Variants in ABTB2 observed in about 807,000 individuals in gnomAD.
ABTB2 encodes ankyrin repeat and BTB/POZ domain-containing protein 2.
Under a neutral mutation model 104.1 loss-of-function variants are expected in ABTB2, and 56 were observed. The observed-to-expected ratio is 0.54, with a 90% CI of 0.43 to 0.67. The LOEUF is 0.67. Among genes scored for constraint, ABTB2 ranks in the 30% least tolerant of loss-of-function variants. ABTB2 has a pLI of 0.00. For missense variants in ABTB2, 1,279 were observed against 1,407.7 expected, an observed-to-expected ratio of 0.91 and a Z score of 1.46; for synonymous variants, 606 against 608.2, an observed-to-expected ratio of 1.00 and a Z score of 0.05.
At chr11:34,242,877 A>G in intron 1 of ABTB2, among the ~76,000 whole-genome samples, 1 of 152,186 alleles carries the variant, frequency 6.6e-6, no homozygotes, top group Non-Finnish European at 1.5e-5. Flanking sequence ...ACCTTAGAGA[A>G]GTCCAACAAC....
chr11:34,206,827 C>T (rs78297715), intron 1 of ABTB2, among the ~76,000 whole-genome samples: 2,628 of 152,262 alleles, frequency 0.017, 82 homozygotes, highest in African/African-American at 0.059. Context: ...CAGGCCTCCC[C>T]GCTCTCCTCC....
intron 1 of ABTB2, among the ~76,000 whole-genome samples, chr11:34,319,202 CAAG>C (rs1054727371): frequency 1.1e-4 from 17 of 152,240 alleles, no homozygotes; most frequent in African/African-American, 3.9e-4. Flanking sequence ...ATCTGACACA[CAAG>C]AAGCCTTGGC....
In ABTB2 at chr11:34,341,022, T is replaced by C. The variant is rs181833403; in HGVS notation, c.883+15679A>G. ...ATAGCACTCCCTAAAGCCCCTTCCA[T>C]CATCTTGAAATCAGCAACAGTATCT... On this transcript the variant is annotated intron_variant, in intron 1 of 16. Coordinates refer to ENST00000435224, the MANE Select transcript of ABTB2 (RefSeq NM_145804.3). 1.6e-4 allele frequency among the ~76,000 whole-genome samples: 25 copies of C among 152,296 alleles called. 1 individual carries two copies. Among genetic ancestry groups the C allele is most frequent in the Admixed American group, 1.5e-3 (23 of 15,294 alleles).
rs1402938029 is a variant in ABTB2 at position 34,356,106 on chromosome 11, T to C, written c.883+595A>G. ...AGGTTTCATCATTCCTGGGCACATATAGGTAAGAGCGAACCACTACCCCTC... is the reference window on the plus strand; with the variant it reads ...AGGTTTCATCATTCCTGGGCACATACAGGTAAGAGCGAACCACTACCCCTC... On this transcript the variant is annotated intron_variant, in intron 1 of 16. Transcript: ENST00000435224. This position sits in a 1 kb window ranked among gnomAD's most constrained non-coding sequence, Gnocchi z 4.6. 1.3e-5 allele frequency among the ~76,000 whole-genome samples: 2 copies of C among 152,072 alleles called. No homozygotes were observed. The highest frequency in any genetic ancestry group is 2.9e-5 in the Non-Finnish European group (2 of 68,026).
At chr11:34,270,479 A>G (rs1414678835) in intron 1 of ABTB2, among the ~76,000 whole-genome samples, 1 of 151,646 alleles carries the variant, frequency 6.6e-6, no homozygotes, top group Non-Finnish European at 1.5e-5. Context: ...AGCTGGGATT[A>G]TAGGCACCTA....
At chr11:34,304,047 C>T (rs1009384445) in intron 1 of ABTB2, among the ~76,000 whole-genome samples, 4 of 152,104 alleles carry the variant, frequency 2.6e-5, no homozygotes, top group African/African-American at 4.8e-5. Context: ...AGTTTTAAAT[C>T]GAGTGCCGCT....
chr11:34,335,403 A>G, intron 1 of ABTB2: 1 of 811,666 alleles, frequency 1.2e-6, no homozygotes, highest in East Asian at 2.4e-5. Flanking sequence ...GAACTTTTCT[A>G]AGAGCACTTC....
chr11:34,244,079 C>T (rs1565149981), intron 1 of ABTB2, among the ~76,000 whole-genome samples: 1 of 152,198 alleles, frequency 6.6e-6, no homozygotes, highest in Non-Finnish European at 1.5e-5. Flanking sequence ...TGTGCTAGCC[C>T]TGGAGATAGA....
At chr11:34,181,964 A>G (rs995116146) in intron 3 of ABTB2, among the ~76,000 whole-genome samples, 19 of 152,210 alleles carry the variant, frequency 1.2e-4, no homozygotes, top group Admixed American at 1.2e-3. Flanking sequence ...ACCCTTTCTC[A>G]TGGATCATGC....
At chr11:34,302,253 A>T (rs905787396) in intron 1 of ABTB2, among the ~76,000 whole-genome samples, 1 of 152,214 alleles carries the variant, frequency 6.6e-6, no homozygotes, top group Non-Finnish European at 1.5e-5. Flanking sequence ...TTTCCTTCAA[A>T]GATGTAATGT....
At chr11:34,200,705 T>C (rs1461229955) in intron 2 of ABTB2, among the ~76,000 whole-genome samples, 1 of 152,206 alleles carries the variant, frequency 6.6e-6, no homozygotes, top group East Asian at 1.9e-4. Flanking sequence ...GAAGGAGGTC[T>C]TTCTACTCTA....
chr11:34,155,022 C>G (rs1852602906), intron 14 of ABTB2, among the ~76,000 whole-genome samples: 1 of 152,248 alleles, frequency 6.6e-6, no homozygotes, highest in African/African-American at 2.4e-5. Context: ...TCCCTACAAT[C>G]CTCATGAGAA....
chr11:34,356,274 C>T lies in ABTB2; in HGVS notation c.883+427G>A, dbSNP rs1855463387. ...TTAAGTTGGGACCCTTTGGTTGCTG[C>T]TATTGAGCTGGGGAAAACTAGGGGG... On this transcript the variant is annotated intron_variant, in intron 1 of 16. Coordinates refer to ENST00000435224, the MANE Select transcript of ABTB2 (RefSeq NM_145804.3). This position sits in a 1 kb window ranked among gnomAD's most constrained non-coding sequence, Gnocchi z 4.6. Among the ~76,000 whole-genome samples, 1 of 152,156 alleles carries T rather than the reference C, an allele frequency of 6.6e-6. No homozygotes were observed. The highest frequency in any genetic ancestry group is 6.5e-5 in the Admixed American group (1 of 15,272).
intron 1 of ABTB2, among the ~76,000 whole-genome samples, chr11:34,328,316 T>G (rs753165132): frequency 2.6e-5 from 4 of 152,196 alleles, no homozygotes; most frequent in Non-Finnish European, 5.9e-5. Flanking sequence ...AATCCTGCAA[T>G]GACAGTCTCT....
chr11:34,250,065 G>A (rs1335523704), intron 1 of ABTB2, among the ~76,000 whole-genome samples: 1 of 152,156 alleles, frequency 6.6e-6, no homozygotes. Context: ...GATAGGAGTT[G>A]GGATTCTAGG....
chr11:34,345,491 A>G (rs1308528250), intron 1 of ABTB2, among the ~76,000 whole-genome samples: 1 of 152,004 alleles, frequency 6.6e-6, no homozygotes, highest in African/African-American at 2.4e-5. Flanking sequence ...ATGTAACCCA[A>G]ACAGAACTCC....
At chr11:34,291,101 G>T (rs2611127) in intron 1 of ABTB2, among the ~76,000 whole-genome samples, 21,626 of 152,272 alleles carry the variant, frequency 0.14, 2,118 homozygotes, top group East Asian at 0.48. Flanking sequence ...AATGGGGTTT[G>T]TCATTATGTG....
At position 34,162,753 on chromosome 11, in the gene ABTB2, G is replaced by T. The variant is rs933917835; in HGVS notation, c.2041C>A (p.Leu681Met). ...TQPQQAKADV[L>M]SLEEILAEGV... ...TCGGCCAGGATCTCCTCCAGGGACA[G>T]CACGTCCGCTTTAGCCTGCTGTGGC... is the stretch of plus-strand genomic sequence containing the variant. Residue 681 changes from leucine (L) to methionine (M), a missense_variant, in exon 10 of 17, where the codon CTG (leucine) becomes ATG (methionine). Coordinates refer to ENST00000435224, the MANE Select transcript of ABTB2 (RefSeq NM_145804.3). 1 of 1,610,042 alleles carries T rather than the reference G, an allele frequency of 6.2e-7. No individual in the cohort carries two copies.
At chr11:34,192,572 G>T (rs539372211) in intron 3 of ABTB2, among the ~76,000 whole-genome samples, 6 of 152,328 alleles carry the variant, frequency 3.9e-5, no homozygotes, top group Non-Finnish European at 8.8e-5. Flanking sequence ...CAGGCTCCAA[G>T]CCTTCTGAGT....
Sources: allele counts gnomAD v4.1 joint callset (sites outside exome capture counted in the v4.1 genomes callset), GRCh38; gene constraint gnomAD v4.1.1; non-coding constraint Gnocchi (gnomAD v3.1); transcripts MANE v1.5; gene names NCBI Gene and HGNC (gene_info 2026-07-23, HGNC 2026-07-21).